The following SNTG1 variants were observed in gnomAD, a reference collection of about 807,000 sequenced individuals.
SNTG1 encodes the protein gamma-1-syntrophin.
SNTG1 carries 39 observed loss-of-function variants against 74.7 expected under a neutral mutation model. The ratio of observed to expected loss-of-function variants is 0.52; its 90% CI spans 0.40 to 0.68. The LOEUF is 0.68. Among genes scored for constraint, SNTG1 ranks in the 30% least tolerant of loss-of-function variants. The pLI is 0.00. For synonymous variants in SNTG1, 254 were observed against 217.1 expected, an observed-to-expected ratio of 1.17 and a Z score of -1.49; for missense variants, 685 against 609.5, an observed-to-expected ratio of 1.12 and a Z score of -1.30.
chr8:50,570,618 A>ATTATTATTATTT (rs2094544112), intron 12 of SNTG1, among the ~76,000 whole-genome samples: 1 of 146,210 alleles, frequency 6.8e-6, no homozygotes, highest in African/African-American at 2.5e-5. Context: ...TATTATTATT[A>ATTATTATTATTT]TTATTTAGGT....
intron 2 of SNTG1, among the ~76,000 whole-genome samples, chr8:50,289,778 G>A: frequency 6.6e-6 from 1 of 152,162 alleles, no homozygotes; most frequent in East Asian, 1.9e-4. Context: ...GAGAGGAGAA[G>A]TCAGATGTGT....
chr8:50,272,721 C>T (rs2087848652), intron 2 of SNTG1, among the ~76,000 whole-genome samples: 1 of 152,108 alleles, frequency 6.6e-6, no homozygotes, highest in Non-Finnish European at 1.5e-5. Flanking sequence ...TCATTTATAT[C>T]ATACAACTTG....
chr8:50,356,032 C>G (rs1230044974), intron 2 of SNTG1, among the ~76,000 whole-genome samples: 1 of 152,054 alleles, frequency 6.6e-6, no homozygotes, highest in Non-Finnish European at 1.5e-5. Flanking sequence ...TCCTGTACTT[C>G]CTTTTTTTGT....
intron 4 of SNTG1, among the ~76,000 whole-genome samples, chr8:50,424,195 T>C (rs1175415711): frequency 2.0e-5 from 3 of 152,108 alleles, no homozygotes; most frequent in Non-Finnish European, 4.4e-5. Flanking sequence ...CATGGAGAGA[T>C]AGCGATATGT....
chr8:50,416,999 A>G (rs2093023001), intron 4 of SNTG1, among the ~76,000 whole-genome samples: 1 of 152,310 alleles, frequency 6.6e-6, no homozygotes, highest in East Asian at 1.9e-4. Context: ...AAATTGCTAT[A>G]GTATAGGAGG....
intron 15 of SNTG1, among the ~76,000 whole-genome samples, chr8:50,695,287 A>G (rs1225474672): frequency 6.6e-6 from 1 of 151,912 alleles, no homozygotes; most frequent in Non-Finnish European, 1.5e-5. Flanking sequence ...AAAAATTAGT[A>G]GTGTTTCTTT....
chr8:50,106,445 A>C (rs374467250), intron 1 of SNTG1, among the ~76,000 whole-genome samples: 1 of 152,072 alleles, frequency 6.6e-6, no homozygotes, highest in Admixed American at 6.6e-5. Context: ...TCACAGTACT[A>C]TGTTGAATAG....
At chr8:50,376,756 T>TAGAGAGAGAGAGAG (rs58103614) in intron 2 of SNTG1, among the ~76,000 whole-genome samples, 96 of 89,920 alleles carry the variant, frequency 1.1e-3, no homozygotes, top group Non-Finnish European at 1.8e-3. Flanking sequence ...TATATATATA[T>TAGAGAGAGAGAGAG]AGAGAGAGAG....
intron 2 of SNTG1, among the ~76,000 whole-genome samples, chr8:50,373,292 A>G (rs1029564752): frequency 6.6e-6 from 1 of 152,236 alleles, no homozygotes; most frequent in Admixed American, 6.5e-5. Flanking sequence ...TTTTCACGAA[A>G]TACAGAAGTT....
At chr8:50,466,424 A>G (rs11780695) in intron 8 of SNTG1, among the ~76,000 whole-genome samples, 95,519 of 151,796 alleles carry the variant, frequency 0.63, 32,780 homozygotes, top group Non-Finnish European at 0.77. Flanking sequence ...TGCCAACACC[A>G]TGCTGCCTTA....
intron 2 of SNTG1, among the ~76,000 whole-genome samples, chr8:50,284,313 T>A (rs1457335906): frequency 1.3e-5 from 2 of 151,546 alleles, no homozygotes; most frequent in African/African-American, 4.9e-5. Context: ...ATGAATAGAT[T>A]GAGATTATAA....
chr8:50,231,924 T>C (rs1487514727), intron 2 of SNTG1, among the ~76,000 whole-genome samples: 1 of 151,422 alleles, frequency 6.6e-6, no homozygotes, highest in African/African-American at 2.4e-5. Flanking sequence ...TTATTTAGCT[T>C]AATTTAGTCA....
At chr8:50,068,116 G>A (rs972552378) in intron 1 of SNTG1, among the ~76,000 whole-genome samples, 31 of 152,218 alleles carry the variant, frequency 2.0e-4, no homozygotes, top group African/African-American at 6.7e-4. Context: ...AGATGTAAAG[G>A]AACAGAACGC....
At chr8:50,437,521 C>G (rs1257191888) in intron 4 of SNTG1, among the ~76,000 whole-genome samples, 1 of 152,130 alleles carries the variant, frequency 6.6e-6, no homozygotes, top group Non-Finnish European at 1.5e-5. Flanking sequence ...CACACAGTTT[C>G]CGCAGAACAA....
intron 11 of SNTG1, among the ~76,000 whole-genome samples, chr8:50,550,698 T>A (rs2094420338): frequency 6.6e-6 from 1 of 151,896 alleles, no homozygotes; most frequent in African/African-American, 2.4e-5. Context: ...TGTGTGTATA[T>A]ATATATATAT....
chr8:50,775,825 T>C (rs781384118), intron 18 of SNTG1, among the ~76,000 whole-genome samples: 1 of 151,666 alleles, frequency 6.6e-6, no homozygotes, highest in Non-Finnish European at 1.5e-5. Context: ...AGAGTTGATA[T>C]GTTTTTCTTG....
chr8:50,148,959 C>T (rs573154776), intron 1 of SNTG1, among the ~76,000 whole-genome samples: 14 of 152,240 alleles, frequency 9.2e-5, no homozygotes, highest in African/African-American at 2.9e-4. Context: ...TTCTAGATCC[C>T]TGAGGAATCG....
In SNTG1 at chr8:50,259,552, G is replaced by A. The variant is rs1217762119; in HGVS notation, c.-28+86917G>A. ...AGAAAGAAAGAAAGAAAGAAAGAAA[G>A]AAAGAAAGAAAGAAAGAAAGAGAAA... On this transcript the variant is annotated intron_variant, in intron 2 of 18. Transcript: ENST00000642720. Among the ~76,000 whole-genome samples, 256 of 54,584 alleles carry A rather than the reference G, an allele frequency of 4.7e-3. 56 individuals are homozygous for A. Among genetic ancestry groups the A allele is most frequent in the Non-Finnish European group, 9.5e-3 (188 of 19,882 alleles). The allele number at this position is 54,584 out of a possible 152,430, so 35.8% of individuals were successfully genotyped here. A position where few individuals can be genotyped will look rare whatever the true frequency, so the allele number is the denominator to read the frequency against.
chr8:50,064,823 T>G (rs203948), intron 1 of SNTG1, among the ~76,000 whole-genome samples: 137,974 of 152,238 alleles, frequency 0.91, 62,766 homozygotes, highest in East Asian at 1. Context: ...GCTGACTCTT[T>G]ACAACCATGT....
Sources: gnomAD v4.1 joint callset for allele counts (sites outside exome capture counted in the v4.1 genomes callset) on GRCh38, gnomAD v4.1.1 for gene constraint, MANE v1.5 for transcripts, NCBI Gene and HGNC (gene_info 2026-07-23, HGNC 2026-07-21) for gene names.